ATP1B3: variants seen among roughly 807,000 people sequenced by gnomAD.
The protein encoded by ATP1B3 is ATPase Na+/K+ transporting subunit beta 3, also known as sodium/potassium-transporting ATPase subunit beta-3.
Under a neutral mutation model 30.2 loss-of-function variants are expected in ATP1B3, and 10 were observed. The ratio of observed to expected loss-of-function variants is 0.33; its 90% CI spans 0.20 to 0.56. The LOEUF (loss-of-function observed/expected upper bound fraction) is 0.56. Ranked by LOEUF, ATP1B3 falls within the 20% of genes least tolerant of loss-of-function variation. The probability of loss-of-function intolerance (pLI) is 0.90; values close to 1 mark genes in which losing one functional copy is unlikely to be tolerated. For synonymous variants in ATP1B3, 113 were observed against 117.0 expected (o/e 0.97, Z 0.22); for missense variants, 238 against 336.7 (o/e 0.71, Z 2.29).
intron 5 of ATP1B3, among the ~76,000 whole-genome samples, chr3:141,917,689 T>TCACA (rs547029001): frequency 2.6e-5 from 4 of 151,618 alleles, no homozygotes; most frequent in Non-Finnish European, 4.4e-5. Flanking sequence ...TGAGACTCCA[T>TCACA]CACACACACA....
intron 3 of ATP1B3, among the ~76,000 whole-genome samples, chr3:141,909,391 A>C (rs946723577): frequency 1.3e-5 from 2 of 152,188 alleles, no homozygotes; most frequent in East Asian, 3.8e-4. Context: ...GCTTAGACTC[A>C]TGGTGAATTA....
intron 1 of ATP1B3, among the ~76,000 whole-genome samples, chr3:141,898,111 A>G (rs958143239): frequency 6.6e-6 from 1 of 152,232 alleles, no homozygotes; most frequent in Non-Finnish European, 1.5e-5. Context: ...TTAACTCAAA[A>G]TGGATCAAAG....
At chr3:141,911,062 CTA>C (rs1260973582) in intron 3 of ATP1B3, among the ~76,000 whole-genome samples, 1 of 151,026 alleles carries the variant, frequency 6.6e-6, no homozygotes, top group Non-Finnish European at 1.5e-5. Flanking sequence ...ATTTCTGTCT[CTA>C]AAGTATTTTG....
chr3:141,922,696 A>G (rs6769618), intron 6 of ATP1B3, among the ~76,000 whole-genome samples: 132,963 of 152,054 alleles, frequency 0.87, 58,403 homozygotes, highest in African/African-American at 0.96. Flanking sequence ...GGCCAGGCGC[A>G]GTGGCTCACC....
rs56374653 is a variant in ATP1B3, at chr3:141,908,068, CTTT to C, written c.346+813_346+815del. Among the ~76,000 whole-genome samples, 796 of 109,206 alleles carry C rather than the reference CTTT, an allele frequency of 7.3e-3. 8 individuals carry two copies. The highest frequency in any genetic ancestry group is 0.025 in the African/African-American group (753 of 29,816). The allele number at this position is 109,206 out of a possible 152,430, so 71.6% of individuals were successfully genotyped here. On this transcript the variant is annotated intron_variant, in intron 3 of 6. Transcript: ENST00000286371. Reference sequence around the variant, plus strand: ...AATCTTTTTTTTTGTGCCAGGCATTCTTTTTTTTTTTTTTTTTTTTTATTATAC... The same window carrying C: ...AATCTTTTTTTTTGTGCCAGGCATTCTTTTTTTTTTTTTTTTTTATTATAC...
chr3:141,916,975 C>T (rs1934475935), intron 5 of ATP1B3, among the ~76,000 whole-genome samples: 1 of 151,860 alleles, frequency 6.6e-6, no homozygotes, highest in Admixed American at 6.6e-5. Context: ...GTTCTCCTGC[C>T]TCAGCCTCCT....
chr3:141,880,087 T>G (rs1314175643), intron 1 of ATP1B3, among the ~76,000 whole-genome samples: 1 of 152,120 alleles, frequency 6.6e-6, no homozygotes, highest in African/African-American at 2.4e-5. Context: ...CTTTAGTATG[T>G]TTGTCTCATT....
At chr3:141,909,977 C>G (rs1934331882) in intron 3 of ATP1B3, among the ~76,000 whole-genome samples, 1 of 151,948 alleles carries the variant, frequency 6.6e-6, no homozygotes, top group Non-Finnish European at 1.5e-5. Context: ...TTTCTTTTTT[C>G]TTTCTTTCCT....
intron 1 of ATP1B3, among the ~76,000 whole-genome samples, chr3:141,887,583 C>T (rs1933860020): frequency 6.6e-6 from 1 of 152,184 alleles, no homozygotes; most frequent in Non-Finnish European, 1.5e-5. Flanking sequence ...GAAATGAAAA[C>T]ATACGTTCAC....
Position 141,905,390 on chromosome 3 carries a change from A to G in ATP1B3, c.238+1642A>G, listed in dbSNP as rs538717114. Among the ~76,000 whole-genome samples, 216 of 152,314 alleles carry G rather than the reference A, an allele frequency of 1.4e-3. 1 individual carries two copies. The highest frequency in any genetic ancestry group is 2.5e-3 in the Non-Finnish European group (169 of 68,026). On this transcript the variant is annotated intron_variant, in intron 2 of 6. Coordinates refer to ENST00000286371, the MANE Select transcript of ATP1B3 (RefSeq NM_001679.4). ...CCAGGGATGTTGCTAAACATCCTACAGTGCATAGGGCAACCCCCACAACAA... is the reference window on the plus strand; with the variant it reads ...CCAGGGATGTTGCTAAACATCCTACGGTGCATAGGGCAACCCCCACAACAA...
chr3:141,917,700 C>T lies in ATP1B3; in HGVS notation c.582+1680C>T, dbSNP rs532901654. Among the ~76,000 whole-genome samples the T allele has an allele frequency of 2.0e-5, 3 of 152,032 alleles. No individual in the cohort carries two copies. The East Asian group carries it at 5.8e-4, about 29-fold the overall frequency. ...AGAGTGAGACTCCATCACACACACA[C>T]AAAAAGCCAGAATCTCACTTAAAAC... is the stretch of plus-strand genomic sequence containing the variant. On this transcript the variant is annotated intron_variant, in intron 5 of 6. Coordinates refer to ENST00000286371, the MANE Select transcript of ATP1B3 (RefSeq NM_001679.4).
At chr3:141,883,306 G>A (rs1559864305) in intron 1 of ATP1B3, among the ~76,000 whole-genome samples, 1 of 152,166 alleles carries the variant, frequency 6.6e-6, no homozygotes, top group Non-Finnish European at 1.5e-5. Flanking sequence ...TGGGCAACAT[G>A]GTGAAACCCT....
chr3:141,911,786 C>T (rs1264412917), intron 3 of ATP1B3, among the ~76,000 whole-genome samples: 2 of 152,196 alleles, frequency 1.3e-5, no homozygotes, highest in Non-Finnish European at 2.9e-5. Context: ...TGAGCCACTG[C>T]GCTCGGCCTT....
At chr3:141,896,581 G>A (rs1023319550) in intron 1 of ATP1B3, among the ~76,000 whole-genome samples, 3 of 152,080 alleles carry the variant, frequency 2.0e-5, no homozygotes, top group Non-Finnish European at 2.9e-5. Context: ...TTCTAGATAG[G>A]AGTGAGTCAT....
intron 2 of ATP1B3, among the ~76,000 whole-genome samples, chr3:141,905,966 T>C (rs1322835419): frequency 6.6e-6 from 1 of 151,870 alleles, no homozygotes; most frequent in Non-Finnish European, 1.5e-5. Context: ...TACATATATA[T>C]TACATATGGG....
intron 3 of ATP1B3, among the ~76,000 whole-genome samples, chr3:141,908,158 A>T (rs1576397212): frequency 7.3e-6 from 1 of 137,250 alleles, no homozygotes; most frequent in East Asian, 2.1e-4. Context: ...TGCTTGGGGG[A>T]TGGGAAATTA....
chr3:141,878,183 T>C (rs1933644004), intron 1 of ATP1B3, among the ~76,000 whole-genome samples: 1 of 152,186 alleles, frequency 6.6e-6, no homozygotes, highest in Admixed American at 6.6e-5. Flanking sequence ...TGTGTAAAAT[T>C]ACATATGCCA....
intron 1 of ATP1B3, among the ~76,000 whole-genome samples, chr3:141,898,820 A>G (rs564679242): frequency 1.2e-4 from 19 of 152,388 alleles, no homozygotes; most frequent in African/African-American, 4.6e-4. Flanking sequence ...GCCAAAAGAT[A>G]TAAACAACTC....
chr3:141,891,099 C>T (rs143018286), intron 1 of ATP1B3, among the ~76,000 whole-genome samples: 2 of 151,996 alleles, frequency 1.3e-5, no homozygotes, highest in East Asian at 1.9e-4. Flanking sequence ...TTGTATAATC[C>T]ATCATTTCCC....
Sources: allele counts gnomAD v4.1 joint callset (sites outside exome capture counted in the v4.1 genomes callset), GRCh38; gene constraint gnomAD v4.1.1; transcripts MANE v1.5; gene names NCBI Gene and HGNC (gene_info 2026-07-23, HGNC 2026-07-21).